Variants in GOSR2 observed in about 807,000 individuals in gnomAD.
The protein encoded by GOSR2 is golgi SNAP receptor complex member 2.
Under a neutral mutation model 27.9 loss-of-function variants are expected in GOSR2, and 20 were observed. The observed-to-expected ratio is 0.72, with a 90% CI of 0.50 to 1.04. The LOEUF (loss-of-function observed/expected upper bound fraction) is 1.04, where lower values mean the gene tolerates loss of function less well. GOSR2 is among the 50% of genes least tolerant of loss of function. The pLI, the probability that GOSR2 is intolerant of heterozygous loss-of-function variation, is 0.00. For synonymous variants in GOSR2, 91 were observed against 98.8 expected (o/e 0.92, Z 0.47); for missense variants, 261 against 270.5 (o/e 0.97, Z 0.25).
At chr17:46,967,658 C>T (rs111793086), downstream of GOSR2, among the ~76,000 whole-genome samples, 5 of 152,050 alleles carry the variant, frequency 3.3e-5, no homozygotes, top group Admixed American at 6.6e-5. Flanking sequence ...GGAAATGGGC[C>T]GGTGCAGAGG....
intron 1 of GOSR2, 49 bp from the exon 2 acceptor site, chr17:46,929,471 G>A (rs763567746): frequency 1.0e-4 from 93 of 917,060 alleles, no homozygotes; most frequent in Admixed American, 2.9e-4. Context: ...TGACTGAAGC[G>A]CTGTTGATTA....
intron 6 of GOSR2, among the ~76,000 whole-genome samples, chr17:46,947,717 T>C (rs1228841605): frequency 6.6e-6 from 1 of 152,118 alleles, no homozygotes; most frequent in Non-Finnish European, 1.5e-5. Flanking sequence ...AATAACTACC[T>C]CAAGTGGTAG....
At chr17:46,925,146 A>T (rs2086296211) in intron 1 of GOSR2, among the ~76,000 whole-genome samples, 1 of 152,184 alleles carries the variant, frequency 6.6e-6, no homozygotes, top group Admixed American at 6.5e-5. Context: ...TAAGGGCCAG[A>T]TAGTAAATAT....
downstream of GOSR2, among the ~76,000 whole-genome samples, chr17:46,967,593 T>C (rs1263919495): frequency 6.6e-6 from 1 of 152,142 alleles, no homozygotes; most frequent in African/African-American, 2.4e-5. Flanking sequence ...AACTCTGCAG[T>C]GTTCTCTGGG....
chr17:46,943,907 G>A (rs1325408232), downstream of GOSR2, among the ~76,000 whole-genome samples: 4 of 152,192 alleles, frequency 2.6e-5, no homozygotes, highest in African/African-American at 9.6e-5. Flanking sequence ...CGATCCCTCG[G>A]TCTGATGGTC....
At position 46,938,774 on chromosome 17, in the gene GOSR2, A is replaced by C. The variant is rs571655190; in HGVS notation, c.*14A>C. ...TACCTGACATGAGCCAGCCACGCTC[A>C]GTGGCTGAACAGCATTCCCACAGCC... is the stretch of plus-strand genomic sequence containing the variant. On this transcript the variant is annotated 3_prime_UTR_variant, in exon 6 of 6. Coordinates refer to ENST00000640051, the MANE Select transcript of GOSR2 (RefSeq NM_004287.5). 6.2e-7 allele frequency: 1 copy of C among 1,613,686 alleles called. No homozygotes were observed. Among genetic ancestry groups the C allele is most frequent in the South Asian group, 1.1e-5 (1 of 91,058 alleles).
At position 46,938,974 on chromosome 17, in the gene GOSR2, AG is replaced by A. The variant is rs2088868147; in HGVS notation, c.*216del. On this transcript the variant is annotated 3_prime_UTR_variant, in exon 6 of 6. Transcript: ENST00000640051. ...AGTGCCACCACCATGCGCGGTGCTT[AG>A]GAAATGAAAGAAGTCCCGGGTCTGT... 2.8e-6 allele frequency: 4 copies of A among 1,423,356 alleles called. No homozygotes were observed. In the African/African-American group the frequency reaches 5.7e-5, roughly 20 times the overall value. 88.2% of individuals were successfully genotyped at this position (1,423,356 alleles called of 1,614,324 possible).
chr17:46,939,965 A>G lies in GOSR2; in HGVS notation c.*1205A>G. The G allele has an allele frequency of 3.0e-6, 3 of 1,007,620 alleles. No homozygotes were observed. Among genetic ancestry groups the G allele is most frequent in the Non-Finnish European group, 3.6e-6 (3 of 841,892 alleles). The allele number at this position is 1,007,620 out of a possible 1,614,324, so 62.4% of individuals were successfully genotyped here. A position where few individuals can be genotyped will look rare whatever the true frequency, so the allele number is the denominator to read the frequency against. ...GCCCTGGGCACAGCAGCTTCATGGC[A>G]AGACATAAAATGACACTCAAAATCC... On this transcript the variant is annotated 3_prime_UTR_variant, in exon 6 of 6. Coordinates refer to ENST00000640051, the MANE Select transcript of GOSR2 (RefSeq NM_004287.5).
Position 46,974,987 on chromosome 17 carries a change from C to CTTTTTTTTT in GOSR2, c.616-194_616-186dup, listed in dbSNP as rs58438726. Among the ~76,000 whole-genome samples the CTTTTTTTTT allele has an allele frequency of 8.2e-4, 98 of 119,048 alleles. 3 individuals carry two copies. The highest frequency in any genetic ancestry group is 1.2e-3 in the Non-Finnish European group (67 of 57,348). 78.1% of individuals were successfully genotyped at this position (119,048 alleles called of 152,430 possible). A position where few individuals can be genotyped will look rare whatever the true frequency, so the allele number is the denominator to read the frequency against. On this transcript the variant is annotated intron_variant, in intron 6 of 6. Coordinates refer to the GOSR2 transcript ENST00000640723. ...CTTTTCAAATATGAATTACTATTTT[C>CTTTTTTTTT]TTTTTTTTTTTTTTTTTTTTTTTTT... is the stretch of plus-strand genomic sequence containing the variant.
chr17:46,954,090 T>C (rs1300458955), intron 6 of GOSR2, among the ~76,000 whole-genome samples: 1 of 152,240 alleles, frequency 6.6e-6, no homozygotes, highest in Non-Finnish European at 1.5e-5. Flanking sequence ...TTTTGGTGTT[T>C]TAGACATGAA....
At chr17:46,931,808 C>T (rs1209405825) in intron 3 of GOSR2, 1 of 547,148 alleles carries the variant, frequency 1.8e-6, no homozygotes, top group Non-Finnish European at 3.3e-6. Flanking sequence ...TGTTCTCTGT[C>T]ATGCATCCAG....
chr17:46,971,968 A>G (rs992998216), downstream of GOSR2, among the ~76,000 whole-genome samples: 2 of 152,230 alleles, frequency 1.3e-5, no homozygotes, highest in Non-Finnish European at 2.9e-5. Context: ...TCACACTTAC[A>G]GCCAGGCCTG....
At chr17:46,936,061 G>C in intron 5 of GOSR2, 1 of 985,822 alleles carries the variant, frequency 1.0e-6, no homozygotes, top group Non-Finnish European at 1.2e-6. Flanking sequence ...TCTCTACGGG[G>C]GAGAGGGTCA....
downstream of GOSR2, among the ~76,000 whole-genome samples, chr17:46,943,610 C>T (rs529603022): frequency 4.6e-5 from 7 of 152,336 alleles, no homozygotes; most frequent in South Asian, 1.2e-3. Flanking sequence ...ATCCCGGGCA[C>T]GTAGTAGGCG....
At chr17:46,968,536 G>C (rs2091359234), downstream of GOSR2, among the ~76,000 whole-genome samples, 2 of 152,234 alleles carry the variant, frequency 1.3e-5, no homozygotes, top group Admixed American at 1.3e-4. Context: ...ACCATGCCAA[G>C]CTCATCAATC....
chr17:46,938,763 C>T lies in GOSR2; in HGVS notation c.*3C>T. Reference sequence around the variant, plus strand: ...TCGTGGTGCAGTACCTGACATGAGCCAGCCACGCTCAGTGGCTGAACAGCA... The same window carrying T: ...TCGTGGTGCAGTACCTGACATGAGCTAGCCACGCTCAGTGGCTGAACAGCA... On this transcript the variant is annotated 3_prime_UTR_variant, in exon 6 of 6. Transcript: ENST00000640051. 3.1e-6 allele frequency: 5 copies of T among 1,613,844 alleles called. No homozygotes were observed. In the African/African-American group the frequency reaches 6.7e-5, roughly 22 times the overall value.
chr17:46,952,342 CTG>C (rs2090422206), intron 6 of GOSR2, among the ~76,000 whole-genome samples: 2 of 152,240 alleles, frequency 1.3e-5, no homozygotes, highest in Admixed American at 6.5e-5. Context: ...GACCACATGA[CTG>C]CGCGGTGGGC....
At chr17:46,968,069 TTCAG>T (rs2091354006), downstream of GOSR2, among the ~76,000 whole-genome samples, 1 of 152,046 alleles carries the variant, frequency 6.6e-6, no homozygotes, top group African/African-American at 2.4e-5. Flanking sequence ...GGGGGCCTTC[TTCAG>T]CTTGGGGCAT....
chr17:46,972,125 G>C (rs1377019958), intron 6 of GOSR2, among the ~76,000 whole-genome samples: 5 of 152,154 alleles, frequency 3.3e-5, no homozygotes, highest in Admixed American at 3.3e-4. Flanking sequence ...GGGACAGCCT[G>C]CTGTGGTGGG....
Sources: allele counts gnomAD v4.1 joint callset (sites outside exome capture counted in the v4.1 genomes callset), GRCh38; gene constraint gnomAD v4.1.1; transcripts MANE v1.5; gene names NCBI Gene and HGNC (gene_info 2026-07-23, HGNC 2026-07-21).